The following CSMD1 variants were observed in gnomAD, a reference collection of about 807,000 sequenced individuals.
The protein encoded by CSMD1 is CUB and sushi domain-containing protein 1.
Under a neutral mutation model 417.5 loss-of-function variants are expected in CSMD1, and 213 were observed. That is an observed-to-expected ratio of 0.51 (90% CI 0.46 to 0.57). CSMD1 has a LOEUF of 0.57. Among genes scored for constraint, CSMD1 ranks in the 20% least tolerant of loss-of-function variants. CSMD1 has a pLI of 0.00. For synonymous variants in CSMD1, 2,862 were observed against 1,736.8 expected (o/e 1.65, Z -16.11); for missense variants, 6,923 against 4,529.7 (o/e 1.53, Z -15.17).
intron 5 of CSMD1, among the ~76,000 whole-genome samples, chr8:3,886,838 T>G (rs1320796754): frequency 6.6e-6 from 1 of 152,168 alleles, no homozygotes; most frequent in Non-Finnish European, 1.5e-5. Context: ...ACAGATCTAA[T>G]TCAAAACTTT....
chr8:4,623,162 G>A (rs185600614), intron 2 of CSMD1, among the ~76,000 whole-genome samples: 1 of 152,194 alleles, frequency 6.6e-6, no homozygotes, highest in African/African-American at 2.4e-5. Flanking sequence ...GACAAAAGTT[G>A]CAGTGAAGAT....
intron 3 of CSMD1, among the ~76,000 whole-genome samples, chr8:4,133,568 G>C (rs182873256): frequency 7.2e-4 from 109 of 152,142 alleles, no homozygotes; most frequent in Admixed American, 2.9e-3. Flanking sequence ...TAGGAAAGCC[G>C]TGCATTAACG....
intron 5 of CSMD1, among the ~76,000 whole-genome samples, chr8:3,922,657 C>A (rs1809356441): frequency 6.6e-6 from 1 of 152,074 alleles, no homozygotes; most frequent in Non-Finnish European, 1.5e-5. Context: ...ATAAAAATAA[C>A]TTTTAATTGT....
chr8:4,033,052 C>T lies in CSMD1; in HGVS notation c.416-953G>A, dbSNP rs1286669901. 4.9e-5 allele frequency among the ~76,000 whole-genome samples: 7 copies of T among 142,468 alleles called. No homozygotes were observed. The Admixed American group carries it at 5.2e-4, about 11-fold the overall frequency. 93.5% of individuals were successfully genotyped at this position (142,468 alleles called of 152,430 possible). A position where few individuals can be genotyped will look rare whatever the true frequency, so the allele number is the denominator to read the frequency against. ...AAAACATTGGTCTCTTCAATACTTT[C>T]TTCTAACCCAGACATTCCTCTCTAT... On this transcript the variant is annotated intron_variant, in intron 3 of 69. Coordinates refer to ENST00000635120, the MANE Select transcript of CSMD1 (RefSeq NM_033225.6).
chr8:4,542,491 A>T (rs1344829845), intron 2 of CSMD1, among the ~76,000 whole-genome samples: 23 of 152,204 alleles, frequency 1.5e-4, no homozygotes, highest in Admixed American at 1.3e-3. Flanking sequence ...TCAATTTTTT[A>T]AAAAAGCACA....
chr8:4,190,618 G>C (rs867482329), intron 3 of CSMD1, among the ~76,000 whole-genome samples: 1 of 151,572 alleles, frequency 6.6e-6, no homozygotes, highest in Non-Finnish European at 1.5e-5. Flanking sequence ...GAAGCTCAAA[G>C]GGGTTAAAGA....
At chr8:3,226,187 T>C (rs1798491664) in intron 27 of CSMD1, among the ~76,000 whole-genome samples, 1 of 152,220 alleles carries the variant, frequency 6.6e-6, no homozygotes, top group African/African-American at 2.4e-5. Flanking sequence ...AAACCTAGGA[T>C]ACATTTTGGC....
intron 51 of CSMD1, among the ~76,000 whole-genome samples, chr8:3,026,363 G>A (rs745967500): frequency 1.3e-5 from 2 of 152,086 alleles, no homozygotes; most frequent in African/African-American, 2.4e-5. Context: ...GAGCCCACTG[G>A]GCCTCACTGG....
At chr8:3,785,295 A>C (rs2129064918) in intron 5 of CSMD1, among the ~76,000 whole-genome samples, 1 of 152,354 alleles carries the variant, frequency 6.6e-6, no homozygotes, top group East Asian at 1.9e-4. Flanking sequence ...TTATAAAATA[A>C]ATGATGAAAC....
chr8:3,311,720 C>T (rs1345188721), intron 23 of CSMD1, among the ~76,000 whole-genome samples: 2 of 152,276 alleles, frequency 1.3e-5, no homozygotes, highest in Admixed American at 1.3e-4. Context: ...AGTGAACCAT[C>T]ATAAGTTGTG....
intron 4 of CSMD1, among the ~76,000 whole-genome samples, chr8:4,020,900 G>A (rs1048034171): frequency 6.6e-6 from 1 of 152,158 alleles, no homozygotes; most frequent in African/African-American, 2.4e-5. Flanking sequence ...GCTCAAATAT[G>A]CTTCAGCAAT....
intron 5 of CSMD1, among the ~76,000 whole-genome samples, chr8:3,967,806 T>G (rs938321344): frequency 6.6e-6 from 1 of 151,908 alleles, no homozygotes; most frequent in Non-Finnish European, 1.5e-5. Context: ...CCAATTTGCT[T>G]GAGAATATAC....
At chr8:4,126,917 C>T (rs1482459099) in intron 3 of CSMD1, among the ~76,000 whole-genome samples, 1 of 152,088 alleles carries the variant, frequency 6.6e-6, no homozygotes, top group Non-Finnish European at 1.5e-5. Context: ...GGCTCTCACG[C>T]CCACACAGAC....
At chr8:4,549,323 G>A (rs574057707) in intron 2 of CSMD1, among the ~76,000 whole-genome samples, 2 of 152,146 alleles carry the variant, frequency 1.3e-5, no homozygotes, top group Non-Finnish European at 2.9e-5. Context: ...AAGGGTAAAA[G>A]AAATTATTCC....
intron 6 of CSMD1, among the ~76,000 whole-genome samples, chr8:3,713,123 G>C (rs1394377188): frequency 1.3e-5 from 2 of 151,992 alleles, no homozygotes; most frequent in Admixed American, 6.6e-5. Context: ...ATAAATTATG[G>C]GGGAAATATT....
intron 2 of CSMD1, among the ~76,000 whole-genome samples, chr8:4,500,151 G>A (rs976790122): frequency 6.6e-6 from 1 of 152,160 alleles, no homozygotes; most frequent in Non-Finnish European, 1.5e-5. Context: ...AGTTATACGA[G>A]GTGAAAAGTA....
At chr8:3,994,511 C>G (rs1450437843) in intron 5 of CSMD1, among the ~76,000 whole-genome samples, 3 of 147,050 alleles carry the variant, frequency 2.0e-5, no homozygotes, top group African/African-American at 7.5e-5. Context: ...TTCCTAATTG[C>G]AAGAAAAATA....
At chr8:3,706,094 C>T (rs1175976474) in intron 7 of CSMD1, among the ~76,000 whole-genome samples, 1 of 152,206 alleles carries the variant, frequency 6.6e-6, no homozygotes, top group African/African-American at 2.4e-5. Flanking sequence ...CTGGCCTGTG[C>T]CTACCTCCCC....
chr8:3,434,600 A>G (rs1348544523), intron 12 of CSMD1, among the ~76,000 whole-genome samples: 2 of 152,198 alleles, frequency 1.3e-5, no homozygotes, highest in Non-Finnish European at 1.5e-5. Context: ...CCAGCCTAAA[A>G]TCATGAGGAA....
Sources: allele counts gnomAD v4.1 joint callset (sites outside exome capture counted in the v4.1 genomes callset), GRCh38; gene constraint gnomAD v4.1.1; transcripts MANE v1.5; gene names NCBI Gene and HGNC (gene_info 2026-07-23, HGNC 2026-07-21).